KCNT2: variants seen among roughly 807,000 people sequenced by gnomAD.
KCNT2 encodes the protein potassium sodium-activated channel subfamily T member 2.
Under a neutral mutation model 153.8 loss-of-function variants are expected in KCNT2, and 67 were observed. That is an observed-to-expected ratio of 0.44 (90% CI 0.36 to 0.53). KCNT2 has a LOEUF of 0.53. KCNT2 is among the 20% of genes least tolerant of loss of function. The pLI is 0.00. For synonymous variants in KCNT2, 500 were observed against 458.8 expected (o/e 1.09, Z -1.15); for missense variants, 975 against 1,354.8 (o/e 0.72, Z 4.40).
intron 5 of KCNT2, among the ~76,000 whole-genome samples, chr1:196,473,384 T>C (rs191232817): frequency 2.0e-5 from 3 of 152,326 alleles, no homozygotes; most frequent in Non-Finnish European, 2.9e-5. Flanking sequence ...TCAGGACCAG[T>C]GTATTTCAGG....
intron 19 of KCNT2, among the ~76,000 whole-genome samples, chr1:196,323,638 G>A (rs1053687560): frequency 6.6e-6 from 1 of 151,794 alleles, no homozygotes; most frequent in East Asian, 1.9e-4. Flanking sequence ...CATATTATGT[G>A]TATGAATATT....
At chr1:196,570,932 C>T (rs1393998794) in intron 1 of KCNT2, among the ~76,000 whole-genome samples, 1 of 152,050 alleles carries the variant, frequency 6.6e-6, no homozygotes, top group Non-Finnish European at 1.5e-5. Flanking sequence ...GCCATTAAGG[C>T]ACAAGTAAGT....
At chr1:196,531,300 G>A (rs76535642) in intron 1 of KCNT2, among the ~76,000 whole-genome samples, 1,703 of 152,068 alleles carry the variant, frequency 0.011, 32 homozygotes, top group African/African-American at 0.039. Flanking sequence ...AAAAGGACAA[G>A]TTACCACCTG....
In KCNT2 at chr1:196,479,161, C is replaced by T. The variant is rs1430507574; in HGVS notation, c.384+18G>A. The T allele has an allele frequency of 1.4e-6, 2 of 1,429,530 alleles. No individual in the cohort carries two copies. Among genetic ancestry groups the T allele is most frequent in the Non-Finnish European group, 2.0e-6 (2 of 1,016,786 alleles). The allele number at this position is 1,429,530 out of a possible 1,614,324, so 88.6% of individuals were successfully genotyped here. A position where few individuals can be genotyped will look rare whatever the true frequency, so the allele number is the denominator to read the frequency against. On this transcript the variant is annotated intron_variant, in intron 5 of 27. Coordinates refer to ENST00000294725, the MANE Select transcript of KCNT2 (RefSeq NM_198503.5). ...GATGTGTTCTATCAGCGGGAAACTG[C>T]TAATTAAAATAACTTACCTTATAAC...
intron 25 of KCNT2, among the ~76,000 whole-genome samples, chr1:196,260,521 C>G (rs2147787510): frequency 6.6e-6 from 1 of 151,824 alleles, no homozygotes; most frequent in Admixed American, 6.6e-5. Flanking sequence ...ACATAAAAAT[C>G]TGTAAGAATC....
At chr1:196,395,917 G>A (rs891926194) in intron 13 of KCNT2, among the ~76,000 whole-genome samples, 1 of 151,546 alleles carries the variant, frequency 6.6e-6, no homozygotes, top group African/African-American at 2.4e-5. Flanking sequence ...ACCTATGAGA[G>A]TACAAGGACA....
intron 22 of KCNT2, among the ~76,000 whole-genome samples, chr1:196,304,273 G>A (rs962015493): frequency 6.6e-6 from 1 of 152,082 alleles, no homozygotes; most frequent in African/African-American, 2.4e-5. Context: ...GTAATTAAAA[G>A]AAATAACTAA....
At chr1:196,351,496 C>T (rs1666690106) in intron 14 of KCNT2, among the ~76,000 whole-genome samples, 1 of 57,042 alleles carries the variant, frequency 1.8e-5, no homozygotes, top group Non-Finnish European at 6.1e-5. Context: ...CATGATTTGG[C>T]TCTCTGTTTG....
chr1:196,478,076 G>C (rs1367117359), intron 5 of KCNT2, among the ~76,000 whole-genome samples: 2 of 152,102 alleles, frequency 1.3e-5, no homozygotes, highest in Non-Finnish European at 2.9e-5. Context: ...TTGTTTCTTA[G>C]TCTTACTGCA....
intron 12 of KCNT2, among the ~76,000 whole-genome samples, chr1:196,415,183 C>T (rs1232252272): frequency 6.6e-6 from 1 of 151,716 alleles, no homozygotes; most frequent in Non-Finnish European, 1.5e-5. Context: ...AAGCAGACCT[C>T]GACATTTTGA....
chr1:196,297,844 T>C (rs1558116265), intron 22 of KCNT2, among the ~76,000 whole-genome samples: 1 of 152,126 alleles, frequency 6.6e-6, no homozygotes, highest in South Asian at 2.1e-4. Context: ...GTGCTTTTGT[T>C]TGTTTTCATA....
intron 20 of KCNT2, among the ~76,000 whole-genome samples, chr1:196,318,144 G>A (rs1382815835): frequency 6.6e-6 from 1 of 151,472 alleles, no homozygotes; most frequent in African/African-American, 2.4e-5. Flanking sequence ...CAATCTAGAT[G>A]GAAAACAAGT....
chr1:196,278,258 TC>T (rs1186749273), intron 25 of KCNT2, among the ~76,000 whole-genome samples: 1 of 152,170 alleles, frequency 6.6e-6, no homozygotes, highest in Admixed American at 6.6e-5. Flanking sequence ...CACTAACTTC[TC>T]AAAACATTTA....
chr1:196,472,811 C>T (rs550761708), intron 5 of KCNT2, among the ~76,000 whole-genome samples: 1 of 152,200 alleles, frequency 6.6e-6, no homozygotes, highest in East Asian at 1.9e-4. Context: ...TATTTCAGCT[C>T]ATTTCTCACT....
intron 21 of KCNT2, 73 bp downstream of exon 21, chr1:196,315,819 A>G (rs1662656778): frequency 7.5e-7 from 1 of 1,333,476 alleles, no homozygotes; most frequent in Non-Finnish European, 1.0e-6. Context: ...CATTCCTCAC[A>G]GAGTCAGTGT....
intron 1 of KCNT2, among the ~76,000 whole-genome samples, chr1:196,496,354 G>A: frequency 6.6e-6 from 1 of 151,790 alleles, no homozygotes; most frequent in East Asian, 1.9e-4. Context: ...TGCAGTCCCA[G>A]CTACTCTGGA....
chr1:196,505,490 T>G (rs1681056339), intron 1 of KCNT2, among the ~76,000 whole-genome samples: 1 of 149,624 alleles, frequency 6.7e-6, no homozygotes, highest in Non-Finnish European at 1.5e-5. Context: ...ACTGTAGCCT[T>G]GTAGTATAGT....
chr1:196,290,737 A>G (rs950737831), intron 22 of KCNT2, among the ~76,000 whole-genome samples: 1 of 151,964 alleles, frequency 6.6e-6, no homozygotes, highest in Non-Finnish European at 1.5e-5. Flanking sequence ...CTTTGTTTTT[A>G]ATCAATATAT....
At chr1:196,424,825 A>G (rs1673512756) in intron 11 of KCNT2, among the ~76,000 whole-genome samples, 1 of 151,800 alleles carries the variant, frequency 6.6e-6, no homozygotes, top group Non-Finnish European at 1.5e-5. Flanking sequence ...TCTGTTCCAC[A>G]AAACAGTTGA....
Sources: allele counts gnomAD v4.1 joint callset (sites outside exome capture counted in the v4.1 genomes callset), GRCh38; gene constraint gnomAD v4.1.1; transcripts MANE v1.5; gene names NCBI Gene and HGNC (gene_info 2026-07-23, HGNC 2026-07-21).